The following TTLL10 variants were observed in gnomAD, a reference collection of about 807,000 sequenced individuals.
TTLL10 encodes the protein tubulin tyrosine ligase like 10, also known as inactive polyglycylase TTLL10.
A neutral mutation model predicts 69.0 loss-of-function variants in TTLL10; 61 were observed. The observed-to-expected ratio is 0.88, with a 90% confidence interval of 0.72 to 1.09. TTLL10 has a LOEUF of 1.09. Ranked by LOEUF, TTLL10 falls within the 50% of genes least tolerant of loss-of-function variation. TTLL10 has a pLI of 0.00. For synonymous variants in TTLL10, 408 were observed against 393.3 expected (o/e 1.04, Z -0.44); for missense variants, 962 against 945.9 (o/e 1.02, Z -0.22).
chr1:1,178,595 G>C (rs1316366062), intron 3 of TTLL10, among the ~76,000 whole-genome samples: 1 of 151,922 alleles, frequency 6.6e-6, no homozygotes, highest in Non-Finnish European at 1.5e-5. Flanking sequence ...CTCCCAAGCA[G>C]CCCCAAGATG....
At chr1:1,174,995 A>T (rs1390668552) in intron 3 of TTLL10, 1 of 152,542 alleles carries the variant, frequency 6.6e-6, no homozygotes, top group East Asian at 1.9e-4. Flanking sequence ...AGGCGCCTGT[A>T]ATCCCAGCTA....
intron 3 of TTLL10, chr1:1,174,845 C>T (rs11260544): frequency 0.1 from 15,813 of 152,242 alleles, 1,145 homozygotes; most frequent in African/African-American, 0.2. Flanking sequence ...CAGTCCGGGG[C>T]GGTGGCTCAC....
rs1308541646 is a variant in TTLL10, at chr1:1,181,511, C to G, written c.756-230C>G. On this transcript the variant is annotated intron_variant, in intron 8 of 15. Coordinates refer to ENST00000379289, the MANE Select transcript of TTLL10 (RefSeq NM_001130045.2). This position sits in a 1 kb window ranked among gnomAD's most constrained non-coding sequence, Gnocchi z 4.6. ...AACCGCAGCTGCCTCCATCTGCACC[C>G]CCCGCCCCTGGTTGCCTGTGACACC... Among the ~76,000 whole-genome samples the G allele has an allele frequency of 6.6e-6, 1 of 152,136 alleles. No homozygotes were observed. Among genetic ancestry groups the G allele is most frequent in the Admixed American group, 6.5e-5 (1 of 15,268 alleles).
Position 1,197,768 on chromosome 1 carries a change from G to T in TTLL10, c.1943G>T (p.Gly648Val). ...QAPGTEQSGT[G>V]NRHPAQEPSP... ...CCGGGCACGGAGCAGTCGGGCACAGGCAACAGGCACCCGGCGCAAGAGCCT... is the reference window on the plus strand; with the variant it reads ...CCGGGCACGGAGCAGTCGGGCACAGTCAACAGGCACCCGGCGCAAGAGCCT... The change falls in exon 16 of 16, where the codon GGC becomes GTC. Residue 648 changes from glycine to valine, a missense_variant. By Grantham distance (109) the Gly-to-Val change is moderately radical. Coordinates refer to ENST00000379289, the MANE Select transcript of TTLL10 (RefSeq NM_001130045.2). 6.5e-7 allele frequency: 1 copy of T among 1,535,268 alleles called. No individual in the cohort carries two copies.
intron 13 of TTLL10, among the ~76,000 whole-genome samples, chr1:1,187,644 T>A (rs1002298694): frequency 5.4e-5 from 8 of 147,234 alleles, no homozygotes; most frequent in East Asian, 2.0e-4. Context: ...AACAAAAAAA[T>A]AAAAATCCAT....
At chr1:1,187,305 T>C (rs1369569671) in intron 13 of TTLL10, among the ~76,000 whole-genome samples, 1 of 152,182 alleles carries the variant, frequency 6.6e-6, no homozygotes, top group Non-Finnish European at 1.5e-5. Flanking sequence ...ATTTTTTTCC[T>C]TTGGTTACTC....
Position 1,196,406 on chromosome 1 carries a change from C to G in TTLL10, c.1402-194C>G, listed in dbSNP as rs573629952. 3 of 590,426 alleles carry G rather than the reference C, an allele frequency of 5.1e-6. No individual in the cohort carries two copies. The African/African-American group carries it at 5.5e-5, about 11-fold the overall frequency. The allele number at this position is 590,426 out of a possible 1,614,324, so 36.6% of individuals were successfully genotyped here. On this transcript the variant is annotated intron_variant, in intron 13 of 15. Transcript: ENST00000379289. ...TCCAGTGCCTGACACAGGACAGGAG[C>G]TGCACGAGTTTGTTGAGTGAGTTTC...
chr1:1,189,370 T>C (rs6702156), intron 13 of TTLL10, among the ~76,000 whole-genome samples: 141,478 of 152,292 alleles, frequency 0.93, 65,852 homozygotes, highest in East Asian at 1. Context: ...CTGAGATGAG[T>C]GTGTCTTATT....
Position 1,196,658 on chromosome 1 carries a change from G to T in TTLL10, c.1460G>T (p.Cys487Phe). ...CFLAAKPKLDCKLGYFDLIGC... is the reference protein window; with the variant it reads ...CFLAAKPKLDFKLGYFDLIGC... Reference sequence around the variant, plus strand: ...CTGGCCGCCAAGCCCAAGCTGGACTGCAAGCTGGGTTACTTTGACCTCATT... The same window carrying T: ...CTGGCCGCCAAGCCCAAGCTGGACTTCAAGCTGGGTTACTTTGACCTCATT... The change falls in exon 14 of 16, where the codon TGC becomes TTC. Residue 487 changes from cysteine to phenylalanine, a missense_variant. Coordinates refer to ENST00000379289, the MANE Select transcript of TTLL10 (RefSeq NM_001130045.2). 1 of 1,552,038 alleles carries T rather than the reference G, an allele frequency of 6.4e-7. No homozygotes were observed.
At position 1,185,237 on chromosome 1, in the gene TTLL10, C is replaced by T. The variant is rs776945809; in HGVS notation, c.1401+128C>T. The T allele has an allele frequency of 2.0e-5, 30 of 1,478,998 alleles. No homozygotes were observed. In the South Asian group the frequency reaches 4.3e-4, roughly 21 times the overall value. 91.6% of individuals were successfully genotyped at this position (1,478,998 alleles called of 1,614,324 possible). A position where few individuals can be genotyped will look rare whatever the true frequency, so the allele number is the denominator to read the frequency against. On this transcript the variant is annotated intron_variant, in intron 13 of 15. Transcript: ENST00000379289. This position sits in a 1 kb window ranked among gnomAD's most constrained non-coding sequence, Gnocchi z 6.1. ...CGGCTGCGCTGAAGTGTGACCTGAC[C>T]GTGTGGAACCAAACCCTTCCAGCGT...
intron 3 of TTLL10, chr1:1,175,797 T>C (rs1411860416): frequency 1.5e-5 from 6 of 400,790 alleles, no homozygotes; most frequent in Admixed American, 5.4e-5. Context: ...CCAGCCGCTG[T>C]GCAGGTGGAG....
At chr1:1,193,278 T>C (rs375107496) in intron 13 of TTLL10, among the ~76,000 whole-genome samples, 143 of 152,218 alleles carry the variant, frequency 9.4e-4, no homozygotes, top group African/African-American at 3.3e-3. Context: ...TGAGCCAAGA[T>C]TGCGCCATTG....
intron 4 of TTLL10, 76 bp from the exon 5 acceptor site, chr1:1,179,581 C>T: frequency 6.5e-7 from 1 of 1,541,114 alleles, no homozygotes; most frequent in Non-Finnish European, 8.8e-7. Context: ...AGGGCAGCCC[C>T]TCGTCTCCCG....
At chr1:1,174,523 C>T (rs11260539) in intron 3 of TTLL10, 34 bp downstream of exon 3, 14,232 of 152,346 alleles carry the variant, frequency 0.093, 816 homozygotes, top group African/African-American at 0.16. Flanking sequence ...ATTGTAAGGT[C>T]GTGCACCAAG....
At chr1:1,180,395 C>T (rs1647015122) in intron 6 of TTLL10, 55 bp downstream of exon 6, 24 of 1,540,138 alleles carry the variant, frequency 1.6e-5, no homozygotes, top group South Asian at 2.4e-5. Flanking sequence ...CGCCTGCTCC[C>T]GGGGCCCAGC....
At position 1,179,224 on chromosome 1, in the gene TTLL10, C is replaced by T; in HGVS notation, c.9C>T (p.His3=). 1 of 1,546,056 alleles carries T rather than the reference C, an allele frequency of 6.5e-7. No homozygotes were observed. The highest frequency in any genetic ancestry group is 1.2e-5 in the South Asian group (1 of 83,200). Residue 3 remains histidine (H), a synonymous_variant, in exon 4 of 16, where the codon CAC becomes CAT. Coordinates refer to ENST00000379289, the MANE Select transcript of TTLL10 (RefSeq NM_001130045.2). ...CGGGCACCCCCCGGCCAATGGACCACAGCTGCACCCGGTTCATCCACCGCC... is the reference window on the plus strand; with the variant it reads ...CGGGCACCCCCCGGCCAATGGACCATAGCTGCACCCGGTTCATCCACCGCC... MD[H]SCTRFIHRRG...
intron 3 of TTLL10, among the ~76,000 whole-genome samples, chr1:1,176,583 G>C (rs1315236756): frequency 6.6e-6 from 1 of 152,162 alleles, no homozygotes; most frequent in Non-Finnish European, 1.5e-5. Flanking sequence ...GGAATTCCCG[G>C]CTGGGAGCCT....
At chr1:1,184,139 T>C (rs369729911) in intron 12 of TTLL10, 48 bp downstream of exon 12, 16 of 1,611,660 alleles carry the variant, frequency 9.9e-6, no homozygotes, top group Non-Finnish European at 1.3e-5. Context: ...TGGGATGAGA[T>C]TAGAAGGAGG....
chr1:1,187,367 C>T (rs182502747), intron 13 of TTLL10, among the ~76,000 whole-genome samples: 19 of 152,230 alleles, frequency 1.2e-4, no homozygotes, highest in Middle Eastern at 3.4e-3. Flanking sequence ...CGGTGACTCA[C>T]GCCTGTAATC....
Sources: gnomAD v4.1 joint callset for allele counts (sites outside exome capture counted in the v4.1 genomes callset) on GRCh38, gnomAD v4.1.1 for gene constraint, Gnocchi (gnomAD v3.1) non-coding constraint, MANE v1.5 for transcripts, NCBI Gene and HGNC (gene_info 2026-07-23, HGNC 2026-07-21) for gene names.